TBCD: variants seen among roughly 807,000 people sequenced by gnomAD.
TBCD encodes the protein tubulin-specific chaperone D.
A neutral mutation model predicts 169.3 loss-of-function variants in TBCD; 105 were observed. The ratio of observed to expected loss-of-function variants is 0.62; its 90% CI spans 0.53 to 0.73. TBCD has a LOEUF of 0.73. Ranked by LOEUF, TBCD falls within the 30% of genes least tolerant of loss-of-function variation. The probability of loss-of-function intolerance (pLI) is 0.00; values close to 1 mark genes in which losing one functional copy is unlikely to be tolerated. For missense variants in TBCD, 1,444 were observed against 1,600.1 expected, an observed-to-expected ratio of 0.90 and a Z score of 1.66; for synonymous variants, 700 against 643.9, an observed-to-expected ratio of 1.09 and a Z score of -1.32.
chr17:82,938,660 C>G (rs1304250744), intron 36 of TBCD, among the ~76,000 whole-genome samples: 1 of 152,246 alleles, frequency 6.6e-6, no homozygotes, highest in Non-Finnish European at 1.5e-5. Context: ...CCCTGTGCTG[C>G]CGACTCAGCA....
At chr17:82,937,432 C>T (rs2062722363) in intron 35 of TBCD, 72 bp downstream of exon 35, 2 of 1,366,392 alleles carry the variant, frequency 1.5e-6, no homozygotes, top group Non-Finnish European at 2.1e-6. Flanking sequence ...GGCAGGAGTC[C>T]ACGGCTCCAG....
chr17:82,752,095 C>A lies in TBCD; in HGVS notation c.-99C>A. 2 of 1,306,676 alleles carry A rather than the reference C, an allele frequency of 1.5e-6. No individual in the cohort carries two copies. Among genetic ancestry groups the A allele is most frequent in the Non-Finnish European group, 2.0e-6 (2 of 1,010,092 alleles). The allele number at this position is 1,306,676 out of a possible 1,614,324, so 80.9% of individuals were successfully genotyped here. Reference sequence around the variant, plus strand: ...CGTCGGTTGCCGCCTTAGCGGGCGCCTCCTTTTCATCCCTCATCCTTCATC... The same window carrying A: ...CGTCGGTTGCCGCCTTAGCGGGCGCATCCTTTTCATCCCTCATCCTTCATC... On this transcript the variant is annotated 5_prime_UTR_variant, in exon 1 of 39. Coordinates refer to ENST00000355528, the MANE Select transcript of TBCD (RefSeq NM_005993.5).
In TBCD at chr17:82,781,636, T is replaced by G. The variant is rs778417127; in HGVS notation, c.686T>G (p.Leu229Arg). The change falls in exon 7 of 39, where the codon CTG (leucine) becomes CGG (arginine). Residue 229 changes from leucine (L) to arginine (R), a missense_variant. Transcript: ENST00000355528. ...DVKQSKMAEF[L>R]DWSLCNLARS... ...AAGCAAAGCAAGATGGCTGAGTTCCTGGACTGGAGCCTGTGCAATCTGGCC... is the reference window on the plus strand; with the variant it reads ...AAGCAAAGCAAGATGGCTGAGTTCCGGGACTGGAGCCTGTGCAATCTGGCC... 9.3e-6 allele frequency: 15 copies of G among 1,613,774 alleles called. No individual in the cohort carries two copies. The highest frequency in any genetic ancestry group is 4.2e-6 in the Non-Finnish European group (5 of 1,179,876).
Position 82,874,869 on chromosome 17 carries a change from G to A in TBCD, c.1475+4489G>A, listed in dbSNP as rs2057857257. Among the ~76,000 whole-genome samples, 1 of 152,204 alleles carries A rather than the reference G, an allele frequency of 6.6e-6. No homozygotes were observed. Among genetic ancestry groups the A allele is most frequent in the African/African-American group, 2.4e-5 (1 of 41,442 alleles). On this transcript the variant is annotated intron_variant, in intron 14 of 38. Transcript: ENST00000355528. This position sits in a 1 kb window ranked among gnomAD's most constrained non-coding sequence, Gnocchi z 5.0. ...TTTATGCCCGTCAATTTGGGAACGT[G>A]ATACAATCTTGATTTCTCTAACTTT... is the stretch of plus-strand genomic sequence containing the variant.
intron 30 of TBCD, among the ~76,000 whole-genome samples, chr17:82,928,477 G>C (rs942940063): frequency 2.6e-5 from 4 of 151,224 alleles, no homozygotes; most frequent in Admixed American, 1.3e-4. Context: ...CCTTTCTGTC[G>C]GTCTCTCTGT....
At chr17:82,754,215 A>G (rs2047282965) in intron 1 of TBCD, among the ~76,000 whole-genome samples, 1 of 151,884 alleles carries the variant, frequency 6.6e-6, no homozygotes. Flanking sequence ...AGGGTTTTTT[A>G]GAGGTAATCT....
chr17:82,802,371 G>T (rs866763060), intron 9 of TBCD, among the ~76,000 whole-genome samples: 9 of 152,256 alleles, frequency 5.9e-5, no homozygotes, highest in Middle Eastern at 6.8e-3. Context: ...GTGTTGTGTT[G>T]CAGTGTTGGG....
intron 11 of TBCD, among the ~76,000 whole-genome samples, chr17:82,809,483 C>A (rs896961752): frequency 1.3e-5 from 2 of 152,144 alleles, no homozygotes; most frequent in African/African-American, 2.4e-5. Context: ...TACCCTGTGC[C>A]GCGTGTGCTC....
intron 13 of TBCD, among the ~76,000 whole-genome samples, chr17:82,828,013 A>G (rs1351978044): frequency 6.6e-6 from 1 of 150,684 alleles, no homozygotes; most frequent in Non-Finnish European, 1.5e-5. Context: ...ACACCTGCAG[A>G]TATGTACACG....
chr17:82,933,003 C>G (rs1285096378), intron 34 of TBCD: 1 of 490,216 alleles, frequency 2.0e-6, no homozygotes, highest in Non-Finnish European at 3.7e-6. Flanking sequence ...GCACTCTCCC[C>G]CCAGCTATCC....
At chr17:82,838,847 G>A (rs139523215) in intron 13 of TBCD, 51 of 985,400 alleles carry the variant, frequency 5.2e-5, no homozygotes, top group Middle Eastern at 5.2e-4. Context: ...GTAAACAAAC[G>A]CTCACCACTT....
At chr17:82,830,994 G>A in intron 13 of TBCD, 1 of 1,613,860 alleles carries the variant, frequency 6.2e-7, no homozygotes, top group East Asian at 2.2e-5. Flanking sequence ...TTCCCTTGGA[G>A]GTTTTGAAAA....
At position 82,797,739 on chromosome 17, in the gene TBCD, CTTT is replaced by C. The variant is rs36020328; in HGVS notation, c.772-5_772-3del. The C allele has an allele frequency of 3.4e-4, 452 of 1,328,926 alleles. No homozygotes were observed. Among genetic ancestry groups the C allele is most frequent in the Admixed American group, 9.8e-4 (38 of 38,730 alleles). 82.3% of individuals were successfully genotyped at this position (1,328,926 alleles called of 1,614,324 possible). A position where few individuals can be genotyped will look rare whatever the true frequency, so the allele number is the denominator to read the frequency against. ...TATTTGTATTTGTAACATTAAAAAT[CTTT>C]TTTTTTTTTTTTAGGCACAAATATT... On this transcript the variant is annotated splice_polypyrimidine_tract_variant and intron_variant, in intron 7 of 38. Coordinates refer to ENST00000355528, the MANE Select transcript of TBCD (RefSeq NM_005993.5).
chr17:82,842,505 C>T (rs1420805142), intron 13 of TBCD, among the ~76,000 whole-genome samples: 3 of 152,160 alleles, frequency 2.0e-5, no homozygotes, highest in African/African-American at 7.2e-5. Context: ...CCCCGTCACC[C>T]AGGGGGTTTT....
chr17:82,826,134 A>G (rs2052823975), intron 13 of TBCD, among the ~76,000 whole-genome samples: 1 of 152,254 alleles, frequency 6.6e-6, no homozygotes, highest in Non-Finnish European at 1.5e-5. Context: ...AACGAAAGAA[A>G]ATAACATAAA....
At chr17:82,856,788 AC>A (rs1567899721) in intron 13 of TBCD, among the ~76,000 whole-genome samples, 7 of 132,992 alleles carry the variant, frequency 5.3e-5, no homozygotes, top group Admixed American at 5.2e-4. Flanking sequence ...CCGCGTGCGG[AC>A]CCTCGCTGCG....
chr17:82,898,953 C>T (rs557249662), intron 17 of TBCD, among the ~76,000 whole-genome samples: 10 of 152,354 alleles, frequency 6.6e-5, no homozygotes, highest in South Asian at 2.1e-4. Context: ...ACCACTTCCA[C>T]GGCCAACACT....
intron 38 of TBCD, 72 bp from the exon 39 acceptor site, chr17:82,942,377 G>C (rs2063392336): frequency 1.9e-6 from 3 of 1,609,674 alleles, no homozygotes; most frequent in Non-Finnish European, 1.7e-6. Context: ...GCCCAGAGGG[G>C]TGAGGGTCCC....
chr17:82,792,848 C>T (rs1400949854), intron 7 of TBCD, among the ~76,000 whole-genome samples: 3 of 152,118 alleles, frequency 2.0e-5, no homozygotes. Flanking sequence ...CTGCAACCTC[C>T]ACCTCCCGGG....
Sources: gnomAD v4.1 joint callset for allele counts (sites outside exome capture counted in the v4.1 genomes callset) on GRCh38, gnomAD v4.1.1 for gene constraint, Gnocchi (gnomAD v3.1) non-coding constraint, MANE v1.5 for transcripts, NCBI Gene and HGNC (gene_info 2026-07-23, HGNC 2026-07-21) for gene names.